CTH: variants seen among roughly 807,000 people sequenced by gnomAD.
CTH encodes cystathionase (cystathionine gamma-lyase).
A neutral mutation model predicts 50.6 loss-of-function variants in CTH; 41 were observed. That is an observed-to-expected ratio of 0.81 (90% CI 0.63 to 1.05). The LOEUF (loss-of-function observed/expected upper bound fraction) is 1.05, where lower values mean the gene tolerates loss of function less well. Ranked by LOEUF, CTH falls within the 50% of genes least tolerant of loss-of-function variation. The pLI is 0.00. For missense variants in CTH, 470 were observed against 492.6 expected (o/e 0.95, Z 0.43); for synonymous variants, 156 against 168.9 (o/e 0.92, Z 0.59).
chr1:70,434,036 G>T, intron 9 of CTH, 87 bp downstream of exon 9: 1 of 1,584,948 alleles, frequency 6.3e-7, no homozygotes, highest in Non-Finnish European at 8.6e-7. Flanking sequence ...GCCAGATAAT[G>T]TTTTTGTATC....
At chr1:70,439,050 C>T (rs773495840) in intron 11 of CTH, 51 bp from the exon 12 acceptor site, 1 of 1,572,148 alleles carries the variant, frequency 6.4e-7, no homozygotes, top group Admixed American at 1.7e-5. Flanking sequence ...GGAGTTGAAG[C>T]TATGGCCTAT....
intron 7 of CTH, among the ~76,000 whole-genome samples, chr1:70,430,690 C>T (rs953419444): frequency 6.6e-6 from 1 of 151,516 alleles, no homozygotes; most frequent in African/African-American, 2.4e-5. Flanking sequence ...TACAGGTGCC[C>T]ACCACCATGC....
chr1:70,422,834 A>C (rs1487937365), intron 4 of CTH, among the ~76,000 whole-genome samples: 1 of 149,832 alleles, frequency 6.7e-6, no homozygotes, highest in Non-Finnish European at 1.5e-5. Context: ...CTGATCTTGA[A>C]CTCCTGACCT....
chr1:70,434,985 C>T (rs1292640152), intron 9 of CTH, 140 bp from the exon 10 acceptor site: 13 of 619,332 alleles, frequency 2.1e-5, no homozygotes, highest in East Asian at 4.5e-5. Context: ...CTCCTGACCT[C>T]GGTGATCCGC....
chr1:70,418,040 A>G lies in CTH; in HGVS notation c.346+8A>G. The G allele has an allele frequency of 6.2e-7, 1 of 1,613,700 alleles. No individual in the cohort carries two copies. ...TGGATGATGTGTATGGAGGTAGGTGACCCCTCTCATTTATATTCTGTAAAC... is the reference window on the plus strand; with the variant it reads ...TGGATGATGTGTATGGAGGTAGGTGGCCCCTCTCATTTATATTCTGTAAAC... On this transcript the variant is annotated splice_region_variant and intron_variant, in intron 3 of 11. Coordinates refer to ENST00000370938, the MANE Select transcript of CTH (RefSeq NM_001902.6).
chr1:70,434,907 C>A (rs992948477), intron 9 of CTH: 4 of 379,360 alleles, frequency 1.1e-5, no homozygotes, highest in Non-Finnish European at 2.0e-5. Flanking sequence ...TGCGTGCCAC[C>A]ATGCTCAGCT....
chr1:70,431,573 T>C (rs939968062), intron 7 of CTH, among the ~76,000 whole-genome samples: 3 of 152,174 alleles, frequency 2.0e-5, no homozygotes, highest in Non-Finnish European at 4.4e-5. Flanking sequence ...CAAGGGAAAC[T>C]GAAACTTATT....
chr1:70,423,437 G>A (rs979953392), intron 4 of CTH, among the ~76,000 whole-genome samples: 54 of 152,016 alleles, frequency 3.6e-4, no homozygotes, highest in African/African-American at 1.1e-3. Context: ...CGAGCATGGT[G>A]GCACATGCCT....
chr1:70,431,990 C>A, intron 7 of CTH, 93 bp from the exon 8 acceptor site: 1 of 1,318,214 alleles, frequency 7.6e-7, no homozygotes, highest in Non-Finnish European at 1.1e-6. Flanking sequence ...TTACACCTAG[C>A]TTCTGAGAGT....
intron 4 of CTH, among the ~76,000 whole-genome samples, chr1:70,423,561 A>T (rs1017137585): frequency 1.5e-4 from 18 of 122,842 alleles, no homozygotes; most frequent in African/African-American, 5.6e-4. Context: ...ACAAAGTGAG[A>T]CCCTGCTGCT....
chr1:70,426,692 T>C (rs1684352882), intron 5 of CTH, among the ~76,000 whole-genome samples: 1 of 152,204 alleles, frequency 6.6e-6, no homozygotes, highest in South Asian at 2.1e-4. Context: ...GGTAAAGCAG[T>C]CTGTTTCCCA....
chr1:70,414,452 C>T (rs1684044628), intron 1 of CTH, among the ~76,000 whole-genome samples: 1 of 151,684 alleles, frequency 6.6e-6, no homozygotes, highest in Non-Finnish European at 1.5e-5. Context: ...GTGGAGGTTG[C>T]GCCACTGCAC....
intron 8 of CTH, among the ~76,000 whole-genome samples, chr1:70,433,518 A>T (rs1236004609): frequency 6.6e-6 from 1 of 152,244 alleles, no homozygotes; most frequent in Non-Finnish European, 1.5e-5. Flanking sequence ...GCTAAGACAG[A>T]TACTAAGCAA....
Position 70,438,699 on chromosome 1 carries a change from C to T in CTH, c.1064C>T (p.Thr355Ile), listed in dbSNP as rs775009574. The T allele has an allele frequency of 1.2e-6, 2 of 1,613,672 alleles. No homozygotes were observed. The highest frequency in any genetic ancestry group is 1.3e-5 in the African/African-American group (1 of 74,892). The change falls in exon 11 of 12, where the codon ACT (threonine) becomes ATT (isoleucine). Residue 355 changes from threonine to isoleucine, a missense_variant. Transcript: ENST00000370938. ...ATGTCTTCTTTCAGGGCAATCATGACTCATGCATCAGTTCTTAAGAATGAC... is the reference window on the plus strand; with the variant it reads ...ATGTCTTCTTTCAGGGCAATCATGATTCATGCATCAGTTCTTAAGAATGAC... ...ESLAELPAIM[T>I]HASVLKNDRD...
intron 8 of CTH, among the ~76,000 whole-genome samples, chr1:70,433,268 A>G (rs1684520364): frequency 6.6e-6 from 1 of 152,202 alleles, no homozygotes; most frequent in Non-Finnish European, 1.5e-5. Context: ...TAAATGCCCT[A>G]AAGGTACTTT....
chr1:70,417,254 T>C (rs761030752), intron 2 of CTH, among the ~76,000 whole-genome samples: 15 of 152,076 alleles, frequency 9.9e-5, no homozygotes, highest in Non-Finnish European at 2.1e-4. Flanking sequence ...AATCATATCT[T>C]TGCTCTATTC....
At chr1:70,422,609 CTTTT>C (rs57429096) in intron 4 of CTH, among the ~76,000 whole-genome samples, 1 of 127,180 alleles carries the variant, frequency 7.9e-6, no homozygotes, top group Non-Finnish European at 1.7e-5. Flanking sequence ...TGGTCTGAGT[CTTTT>C]TTTTTTTTTT....
At chr1:70,411,632 T>TAC (rs777152731) in intron 1 of CTH, 49 bp downstream of exon 1, 1 of 1,585,404 alleles carries the variant, frequency 6.3e-7, no homozygotes, top group South Asian at 1.1e-5. Context: ...GTAAAAGAGA[T>TAC]ACGGCTTATG....
At chr1:70,418,850 G>A (rs1011142741) in intron 3 of CTH, among the ~76,000 whole-genome samples, 1 of 152,048 alleles carries the variant, frequency 6.6e-6, no homozygotes. Flanking sequence ...TGAGTGATTA[G>A]CATTTTAATT....
Sources: allele counts gnomAD v4.1 joint callset (sites outside exome capture counted in the v4.1 genomes callset), GRCh38; gene constraint gnomAD v4.1.1; transcripts MANE v1.5; gene names NCBI Gene and HGNC (gene_info 2026-07-23, HGNC 2026-07-21).